The following UFD1 variants were observed in gnomAD, a reference collection of about 807,000 sequenced individuals.
UFD1 encodes the protein ubiquitin recognition factor in ER-associated degradation protein 1.
UFD1 carries 13 observed loss-of-function variants against 45.9 expected under a neutral mutation model. The observed-to-expected ratio is 0.28, with a 90% CI of 0.18 to 0.45. UFD1 has a LOEUF of 0.45. Among genes scored for constraint, UFD1 ranks in the 20% least tolerant of loss-of-function variants. UFD1 has a pLI of 1.00. For missense variants in UFD1, 218 were observed against 389.2 expected, an observed-to-expected ratio of 0.56 and a Z score of 3.70; for synonymous variants, 128 against 139.2, an observed-to-expected ratio of 0.92 and a Z score of 0.56.
intron 6 of UFD1, among the ~76,000 whole-genome samples, chr22:19,464,404 A>T (rs929358210): frequency 6.6e-6 from 1 of 152,260 alleles, no homozygotes; most frequent in Non-Finnish European, 1.5e-5. Flanking sequence ...AGGGGCACCC[A>T]TATTACTGTG....
chr22:19,469,954 G>C (rs767576992), intron 4 of UFD1: 1 of 518,614 alleles, frequency 1.9e-6, no homozygotes, highest in South Asian at 1.4e-5. Flanking sequence ...GAGAACCTTC[G>C]AGATACAGTG....
chr22:19,451,748 C>T, intron 11 of UFD1: 1 of 985,460 alleles, frequency 1.0e-6, no homozygotes, highest in Non-Finnish European at 1.2e-6. Flanking sequence ...TCCTTTGCCG[C>T]ACAGCCTTCC....
intron 11 of UFD1, chr22:19,453,684 C>T (rs1345645349): frequency 6.1e-6 from 6 of 985,498 alleles, no homozygotes; most frequent in Non-Finnish European, 7.2e-6. Flanking sequence ...AATGCTGTTT[C>T]AACTTGAACA....
rs201706183 is a variant in UFD1 at position 19,450,741 on chromosome 22, C to T, written c.853G>A (p.Glu285Lys). 6.2e-7 allele frequency: 1 copy of T among 1,614,164 alleles called. No homozygotes were observed. The highest frequency in any genetic ancestry group is 8.5e-7 in the Non-Finnish European group (1 of 1,180,016). The change falls in exon 12 of 12, where the codon GAA becomes AAA. Residue 285 changes from glutamate (E) to lysine (K), a missense_variant. Around this residue, in one of 2 missense-constraint regions of UFD1, gnomAD observed 69 missense variants for 81.7 expected, o/e 0.84. Coordinates refer to ENST00000263202, the MANE Select transcript of UFD1 (RefSeq NM_005659.7). ...RPLVKKVEED[E>K]AGGRFVAFSG... ...AAAGCGACGAATCTGCCTCCAGCTT[C>T]ATCCTAGGTTTGAAGAGAAGATACT...
chr22:19,455,362 A>AGGG (rs2089714632), intron 10 of UFD1, among the ~76,000 whole-genome samples: 1 of 152,234 alleles, frequency 6.6e-6, no homozygotes, highest in South Asian at 2.1e-4. Flanking sequence ...ATCACCAAAT[A>AGGG]GGGACCAGAA....
intron 1 of UFD1, 179 bp downstream of exon 1, chr22:19,478,904 A>T: frequency 5.3e-6 from 4 of 757,116 alleles, no homozygotes; most frequent in Non-Finnish European, 8.0e-6. Flanking sequence ...ACGCGACCAC[A>T]GGCGGTTAGT....
intron 6 of UFD1, among the ~76,000 whole-genome samples, chr22:19,461,849 CT>C (rs1440601586): frequency 6.6e-6 from 1 of 151,696 alleles, no homozygotes; most frequent in African/African-American, 2.4e-5. Flanking sequence ...TTCAATTACA[CT>C]TTTCTCTAGG....
chr22:19,459,614 C>A (rs551685656), intron 6 of UFD1, among the ~76,000 whole-genome samples: 17 of 151,510 alleles, frequency 1.1e-4, no homozygotes, highest in African/African-American at 3.9e-4. Flanking sequence ...GACTCTGTGT[C>A]AAAAACAAAC....
At chr22:19,454,936 C>G in intron 10 of UFD1, 106 bp from the exon 11 acceptor site, 1 of 1,315,280 alleles carries the variant, frequency 7.6e-7, no homozygotes. Context: ...CTGCACCCCA[C>G]CTGGGCCCTT....
intron 6 of UFD1, among the ~76,000 whole-genome samples, chr22:19,463,503 T>C (rs529858705): frequency 1.3e-3 from 194 of 152,350 alleles, no homozygotes; most frequent in African/African-American, 4.4e-3. Context: ...TTGTCTCTGC[T>C]TTGGTGTAGT....
intron 11 of UFD1, 120 bp from the exon 12 acceptor site, chr22:19,450,864 G>A (rs2089675593): frequency 4.5e-6 from 7 of 1,554,926 alleles, no homozygotes; most frequent in African/African-American, 2.7e-5. Context: ...GGCTGGACAC[G>A]ATAGCTGACA....
At chr22:19,464,448 G>A (rs1162549635) in intron 6 of UFD1, among the ~76,000 whole-genome samples, 2 of 152,264 alleles carry the variant, frequency 1.3e-5, no homozygotes, top group African/African-American at 4.8e-5. Context: ...CTGATGGCAG[G>A]ATTGCCAACT....
chr22:19,456,543 G>A (rs753762640), intron 9 of UFD1, 44 bp downstream of exon 9: 11 of 1,613,778 alleles, frequency 6.8e-6, no homozygotes, highest in Admixed American at 5.0e-5. Flanking sequence ...TAATTTCAAG[G>A]AGCAGAGGGC....
At chr22:19,476,099 G>A (rs964451445) in intron 1 of UFD1, among the ~76,000 whole-genome samples, 3 of 152,000 alleles carry the variant, frequency 2.0e-5, no homozygotes, top group African/African-American at 4.8e-5. Context: ...TCCAAGCAAC[G>A]GACACACACA....
intron 4 of UFD1, among the ~76,000 whole-genome samples, chr22:19,470,313 C>T (rs1209667965): frequency 6.6e-6 from 1 of 152,190 alleles, no homozygotes; most frequent in Non-Finnish European, 1.5e-5. Flanking sequence ...GTCGGGGAGA[C>T]ACTGGCCAGG....
chr22:19,476,791 G>T lies in UFD1; in HGVS notation c.4-1189C>A, dbSNP rs138643180. ...GGAGGCAGAGGCAGGTGGATTACCT[G>T]AGGTCAGGAGTTTGAGACCAGCCTG... On this transcript the variant is annotated intron_variant, in intron 1 of 11. Coordinates refer to ENST00000263202, the MANE Select transcript of UFD1 (RefSeq NM_005659.7). Among the ~76,000 whole-genome samples, 513 of 152,106 alleles carry T rather than the reference G, an allele frequency of 3.4e-3. 20 individuals are homozygous for T. The East Asian group carries it at 0.069, about 20-fold the overall frequency.
chr22:19,454,711 T>C, intron 11 of UFD1, 38 bp downstream of exon 11: 1 of 1,613,516 alleles, frequency 6.2e-7, no homozygotes, highest in Non-Finnish European at 8.5e-7. Context: ...ATAAATCTCC[T>C]CATTACCAAC....
chr22:19,451,911 T>G (rs1287909482), intron 11 of UFD1: 1 of 985,360 alleles, frequency 1.0e-6, no homozygotes, highest in Non-Finnish European at 1.2e-6. Context: ...CCGTACATGT[T>G]AGTGGGGGCT....
chr22:19,468,306 G>T (rs778053538), intron 4 of UFD1, among the ~76,000 whole-genome samples: 5 of 152,144 alleles, frequency 3.3e-5, no homozygotes, highest in African/African-American at 4.8e-5. Flanking sequence ...TCCTGGAATA[G>T]TCACTCACTG....
Sources: allele counts gnomAD v4.1 joint callset (sites outside exome capture counted in the v4.1 genomes callset), GRCh38; gene constraint gnomAD v4.1.1; regional missense constraint gnomAD v4.1.1; transcripts MANE v1.5; gene names NCBI Gene and HGNC (gene_info 2026-07-23, HGNC 2026-07-21).